The following TECTA variants were observed in gnomAD, a reference collection of about 807,000 sequenced individuals.
TECTA encodes tectorin alpha, also known as alpha-tectorin.
TECTA carries 128 observed loss-of-function variants against 216.8 expected under a neutral mutation model. That is an observed-to-expected ratio of 0.59 (90% CI 0.51 to 0.68). The LOEUF is 0.68. TECTA is among the 30% of genes least tolerant of loss of function. The pLI is 0.00. For missense variants in TECTA, 2,551 were observed against 2,786.2 expected, an observed-to-expected ratio of 0.92 and a Z score of 1.90; for synonymous variants, 1,089 against 1,117.1, an observed-to-expected ratio of 0.97 and a Z score of 0.50.
rs888549711 is a variant in TECTA at position 121,178,047 on chromosome 11, G to A, written c.5999+9122G>A. ...CCCGTCGGAAAAGCGCAGTATTGGG[G>A]TGGGAGTGACCTGATTTTCCAGGTG... On this transcript the variant is annotated intron_variant, in intron 20 of 23. Transcript: ENST00000392793. Among the ~76,000 whole-genome samples the A allele has an allele frequency of 4.6e-5, 7 of 152,240 alleles. No individual in the cohort carries two copies. In the East Asian group the frequency reaches 1.2e-3, roughly 25 times the overall value.
At position 121,187,935 on chromosome 11, in the gene TECTA, G is replaced by A. The variant is rs267602733; in HGVS notation, c.6103G>A (p.Glu2035Lys). ...TVFKFIGDYD[E>K]VHLHCAVSLC... ...CTTTAAATTCATAGGGGATTACGAC[G>A]AAGTTCACCTTCACTGTGCAGTGTC... The change falls in exon 21 of 24, where the codon GAA (glutamate) becomes AAA (lysine). Residue 2035 changes from glutamate (E) to lysine (K), a missense_variant. Glu to Lys is a moderately conservative substitution (Grantham distance 56, BLOSUM62 1). Coordinates refer to ENST00000392793, the MANE Select transcript of TECTA (RefSeq NM_005422.4). The A allele has an allele frequency of 2.1e-5, 34 of 1,614,098 alleles. No homozygotes were observed. The highest frequency in any genetic ancestry group is 1.7e-4 in the Admixed American group (10 of 59,996).
chr11:121,151,360 C>T (rs1406420992), intron 12 of TECTA, among the ~76,000 whole-genome samples: 2 of 152,220 alleles, frequency 1.3e-5, no homozygotes, highest in Non-Finnish European at 2.9e-5. Flanking sequence ...GGGATGTTCA[C>T]TGCAGCATCA....
chr11:121,185,347 T>C (rs1251186650), intron 20 of TECTA, among the ~76,000 whole-genome samples: 2 of 141,218 alleles, frequency 1.4e-5, no homozygotes, highest in African/African-American at 5.2e-5. Context: ...AAGCAGATGT[T>C]CAATGCTTAA....
At chr11:121,153,322 A>G (rs1433969148) in intron 13 of TECTA, among the ~76,000 whole-genome samples, 1 of 152,142 alleles carries the variant, frequency 6.6e-6, no homozygotes, top group African/African-American at 2.4e-5. Flanking sequence ...CACAGTGGCA[A>G]GGTCTCCAGC....
chr11:121,163,620 G>T (rs1947023568), intron 16 of TECTA, among the ~76,000 whole-genome samples: 1 of 151,912 alleles, frequency 6.6e-6, no homozygotes, highest in Non-Finnish European at 1.5e-5. Context: ...AGAAGAATAA[G>T]AATACTTTCA....
At chr11:121,108,217 T>C (rs1002989885) in intron 3 of TECTA, among the ~76,000 whole-genome samples, 5 of 152,054 alleles carry the variant, frequency 3.3e-5, no homozygotes, top group African/African-American at 1.2e-4. Flanking sequence ...TGACCCTGAA[T>C]CTGTCTTTAG....
At chr11:121,109,973 T>G (rs1946428079) in intron 4 of TECTA, 1 of 185,958 alleles carries the variant, frequency 5.4e-6, no homozygotes, top group African/African-American at 2.4e-5. Flanking sequence ...TGGGCCCAAA[T>G]GATCTGGCTC....
At chr11:121,102,268 G>A (rs879674926) in intron 1 of TECTA, among the ~76,000 whole-genome samples, 5 of 152,188 alleles carry the variant, frequency 3.3e-5, no homozygotes, top group Admixed American at 6.5e-5. Flanking sequence ...GGTCTCACTG[G>A]GGTGTGGTTT....
chr11:121,190,422 G>A (rs1326059584), intron 23 of TECTA, among the ~76,000 whole-genome samples: 1 of 152,058 alleles, frequency 6.6e-6, no homozygotes, highest in African/African-American at 2.4e-5. Context: ...ACGCCACCAC[G>A]CCCAGCTAAT....
At chr11:121,125,945 C>A in intron 8 of TECTA, 73 bp downstream of exon 8, 1 of 1,526,100 alleles carries the variant, frequency 6.6e-7, no homozygotes, top group South Asian at 1.2e-5. Context: ...GGGGCTCCTC[C>A]AAATGTCCTT....
At chr11:121,134,852 C>T (rs938550189) in intron 10 of TECTA, among the ~76,000 whole-genome samples, 5 of 151,756 alleles carry the variant, frequency 3.3e-5, no homozygotes, top group East Asian at 1.9e-4. Flanking sequence ...GTTAGCAGGG[C>T]GTGATGGTGA....
chr11:121,146,168 T>C, intron 12 of TECTA, 52 bp downstream of exon 12: 1 of 1,592,844 alleles, frequency 6.3e-7, no homozygotes, highest in South Asian at 1.1e-5. Context: ...TCTTGATTGC[T>C]CTGGGAAGGC....
At chr11:121,189,617 A>G (rs910166130) in intron 22 of TECTA, 147 bp from the exon 23 acceptor site, 1 of 709,962 alleles carries the variant, frequency 1.4e-6, no homozygotes. Flanking sequence ...CGCGTGATCC[A>G]CCCGCCTCGG....
intron 12 of TECTA, among the ~76,000 whole-genome samples, chr11:121,151,676 T>C (rs185096327): frequency 6.8e-6 from 1 of 147,172 alleles, no homozygotes; most frequent in African/African-American, 2.6e-5. Context: ...GCAAGTATTA[T>C]GTATTAAACT....
chr11:121,152,801 G>A, intron 12 of TECTA, 80 bp from the exon 13 acceptor site: 1 of 1,462,628 alleles, frequency 6.8e-7, no homozygotes, highest in Non-Finnish European at 9.4e-7. Context: ...ATCTCCCTGA[G>A]TAGGTGAGCA....
chr11:121,126,028 A>T lies in TECTA; in HGVS notation c.1774+156A>T, dbSNP rs193254458. Among the ~76,000 whole-genome samples the T allele has an allele frequency of 1.8e-3, 268 of 152,356 alleles. No individual in the cohort carries two copies. The highest frequency in any genetic ancestry group is 2.1e-3 in the South Asian group (10 of 4,826). On this transcript the variant is annotated intron_variant, in intron 8 of 23. Transcript: ENST00000392793. ...ATTACAAAGAACGAATTGTGAAAGG[A>T]TCTTTACTTTTGCCCCCACCTAATA...
intron 12 of TECTA, among the ~76,000 whole-genome samples, chr11:121,152,657 C>T (rs1946901713): frequency 6.6e-6 from 1 of 152,074 alleles, no homozygotes; most frequent in Non-Finnish European, 1.5e-5. Context: ...GTGAGAAGCT[C>T]CAGCCACCTC....
intron 6 of TECTA, among the ~76,000 whole-genome samples, chr11:121,115,695 A>T (rs1303298326): frequency 2.6e-5 from 4 of 152,120 alleles, no homozygotes; most frequent in Non-Finnish European, 4.4e-5. Context: ...TGTCACCCAG[A>T]CTGGCTAGAG....
chr11:121,150,673 G>C (rs1245471625), intron 12 of TECTA, among the ~76,000 whole-genome samples: 1 of 134,490 alleles, frequency 7.4e-6, no homozygotes, highest in Non-Finnish European at 1.5e-5. Context: ...TTGAGATGGA[G>C]TCTTTCTCTG....
Sources: allele counts gnomAD v4.1 joint callset (sites outside exome capture counted in the v4.1 genomes callset), GRCh38; gene constraint gnomAD v4.1.1; transcripts MANE v1.5; gene names NCBI Gene and HGNC (gene_info 2026-07-23, HGNC 2026-07-21).